The following SOX13 variants were observed in gnomAD, a reference collection of about 807,000 sequenced individuals.
SOX13 encodes the protein SRY-box transcription factor 13.
SOX13 carries 28 observed loss-of-function variants against 71.8 expected under a neutral mutation model. The observed-to-expected ratio is 0.39, with a 90% CI of 0.29 to 0.53. The LOEUF (loss-of-function observed/expected upper bound fraction) is 0.53. SOX13 is among the 20% of genes least tolerant of loss of function. The pLI, the probability that SOX13 is intolerant of heterozygous loss-of-function variation, is 0.70. For synonymous variants in SOX13, 309 were observed against 317.8 expected (o/e 0.97, Z 0.29); for missense variants, 627 against 810.3 (o/e 0.77, Z 2.75).
chr1:204,099,494 T>C (rs1356433639), intron 1 of SOX13, among the ~76,000 whole-genome samples: 1 of 143,570 alleles, frequency 7.0e-6, no homozygotes, highest in Non-Finnish European at 1.5e-5. Context: ...GGCATGATCA[T>C]GGCTCACTGC....
intron 1 of SOX13, among the ~76,000 whole-genome samples, chr1:204,100,511 A>T (rs1656339039): frequency 6.6e-6 from 1 of 152,116 alleles, no homozygotes; most frequent in Non-Finnish European, 1.5e-5. Flanking sequence ...TAGTAGATTA[A>T]GCTGCTTCTC....
intron 1 of SOX13, among the ~76,000 whole-genome samples, chr1:204,094,514 G>A (rs994944288): frequency 6.6e-6 from 1 of 152,208 alleles, no homozygotes; most frequent in African/African-American, 2.4e-5. Context: ...GCAGGCAGTG[G>A]GGGAAGGGAA....
chr1:204,099,154 TAAAAG>T (rs762738824), intron 1 of SOX13, among the ~76,000 whole-genome samples: 61 of 152,218 alleles, frequency 4.0e-4, no homozygotes, highest in Non-Finnish European at 7.4e-4. Flanking sequence ...ATCCAACACT[TAAAAG>T]AAGAGACTCA....
At chr1:204,110,843 TA>T (rs1253144269) in intron 1 of SOX13, among the ~76,000 whole-genome samples, 1 of 152,004 alleles carries the variant, frequency 6.6e-6, no homozygotes, top group Non-Finnish European at 1.5e-5. Flanking sequence ...ACTGTAGGGA[TA>T]TTTTTACTAT....
intron 1 of SOX13, among the ~76,000 whole-genome samples, chr1:204,101,504 T>TAAAAAAAAAAA (rs781502804): frequency 7.4e-6 from 1 of 134,594 alleles, no homozygotes; most frequent in African/African-American, 2.8e-5. Context: ...CCTCTTTATT[T>TAAAAAAAAAAA]AAAAAAAAAA....
intron 1 of SOX13, among the ~76,000 whole-genome samples, chr1:204,109,324 A>G (rs947995350): frequency 7.9e-5 from 12 of 152,370 alleles, no homozygotes; most frequent in African/African-American, 2.9e-4. Context: ...GCACTCATGC[A>G]CTGCTTGCCT....
intron 1 of SOX13, among the ~76,000 whole-genome samples, chr1:204,080,303 G>A (rs1655876032): frequency 6.6e-6 from 1 of 151,848 alleles, no homozygotes; most frequent in Non-Finnish European, 1.5e-5. Context: ...TTAGGGGGAG[G>A]GGTATTGGTG....
chr1:204,095,679 A>G (rs180895895), intron 1 of SOX13, among the ~76,000 whole-genome samples: 1 of 152,318 alleles, frequency 6.6e-6, no homozygotes, highest in Admixed American at 6.5e-5. Flanking sequence ...ATTAAAGTAG[A>G]CATAATGTAA....
chr1:204,106,624 A>C (rs1271147835), intron 1 of SOX13, among the ~76,000 whole-genome samples: 3 of 151,684 alleles, frequency 2.0e-5, no homozygotes, highest in African/African-American at 7.3e-5. Context: ...GGTTCAAGCA[A>C]TTCTCCTGCC....
In SOX13 at chr1:204,073,202, C is replaced by T. The variant is rs1009071881; in HGVS notation, c.-511C>T. The T allele has an allele frequency of 6.6e-6, 1 of 152,282 alleles. No homozygotes were observed. Among genetic ancestry groups the T allele is most frequent in the African/African-American group, 2.4e-5 (1 of 41,442 alleles). 9.4% of individuals were successfully genotyped at this position (152,282 alleles called of 1,614,324 possible). A position where few individuals can be genotyped will look rare whatever the true frequency, so the allele number is the denominator to read the frequency against. ...GTGAGCACGGGTCCTGGAACCCGGG[C>T]CCAGAACCGGCGAGCCCAGGTCTGA... is the stretch of plus-strand genomic sequence containing the variant. On this transcript the variant is annotated 5_prime_UTR_variant, in exon 1 of 14. Coordinates refer to ENST00000367204, the MANE Select transcript of SOX13 (RefSeq NM_005686.3). This position sits in a 1 kb window ranked among gnomAD's most constrained non-coding sequence, Gnocchi z 6.8.
intron 1 of SOX13, among the ~76,000 whole-genome samples, chr1:204,108,082 C>T (rs1342334438): frequency 1.3e-5 from 2 of 152,024 alleles, no homozygotes; most frequent in South Asian, 4.1e-4. Context: ...GAGGAGGTGT[C>T]CTAGTGCAGC....
chr1:204,082,487 G>A (rs1301178027), intron 1 of SOX13, among the ~76,000 whole-genome samples: 1 of 152,196 alleles, frequency 6.6e-6, no homozygotes, highest in South Asian at 2.1e-4. Context: ...TACCTGGGGA[G>A]GAGCAGTAGT....
chr1:204,086,237 CT>C (rs1363713575), intron 1 of SOX13, among the ~76,000 whole-genome samples: 2 of 152,210 alleles, frequency 1.3e-5, no homozygotes, highest in Non-Finnish European at 2.9e-5. Flanking sequence ...TTCCCTCCCC[CT>C]CCTCAGTTCA....
chr1:204,075,506 C>T (rs77206521), intron 1 of SOX13, among the ~76,000 whole-genome samples: 1,815 of 152,334 alleles, frequency 0.012, 33 homozygotes, highest in African/African-American at 0.04. Context: ...GTTTGGACTT[C>T]CCCGCATGCG....
At chr1:204,074,820 G>A (rs1655752030) in intron 1 of SOX13, among the ~76,000 whole-genome samples, 1 of 152,256 alleles carries the variant, frequency 6.6e-6, no homozygotes, top group Admixed American at 6.5e-5. Context: ...CGCGGCAGCT[G>A]CAAAGACTCC....
intron 1 of SOX13, among the ~76,000 whole-genome samples, chr1:204,101,974 G>A (rs1055728689): frequency 6.6e-6 from 1 of 152,156 alleles, no homozygotes; most frequent in Admixed American, 6.5e-5. Flanking sequence ...AGGCAGGAGG[G>A]TCATTTGAGC....
chr1:204,092,543 T>C (rs542737829), intron 1 of SOX13, among the ~76,000 whole-genome samples: 2 of 152,296 alleles, frequency 1.3e-5, no homozygotes, highest in South Asian at 2.1e-4. Context: ...AACACCTACT[T>C]TGAGAGATTA....
chr1:204,118,356 G>GTTTT (rs1442025999), intron 7 of SOX13: 1 of 150,788 alleles, frequency 6.6e-6, no homozygotes, highest in East Asian at 1.9e-4. Flanking sequence ...TTGTTTGTTT[G>GTTTT]TGTTTTGTGT....
chr1:204,093,369 G>A (rs1217520485), intron 1 of SOX13, among the ~76,000 whole-genome samples: 2 of 152,186 alleles, frequency 1.3e-5, no homozygotes, highest in Non-Finnish European at 2.9e-5. Context: ...GTTTTGAGGG[G>A]CTGCTTTGAG....
Sources: gnomAD v4.1 joint callset for allele counts (sites outside exome capture counted in the v4.1 genomes callset) on GRCh38, gnomAD v4.1.1 for gene constraint, Gnocchi (gnomAD v3.1) non-coding constraint, MANE v1.5 for transcripts, NCBI Gene and HGNC (gene_info 2026-07-23, HGNC 2026-07-21) for gene names.